Variants in TANC1 observed in about 807,000 individuals in gnomAD.
The protein encoded by TANC1 is tetratricopeptide repeat, ankyrin repeat and coiled-coil containing 1.
In TANC1, 77 loss-of-function variants were observed where a neutral mutation model predicts 149.7. The ratio of observed to expected loss-of-function variants is 0.51; its 90% CI spans 0.43 to 0.62. TANC1 has a LOEUF of 0.62. Ranked by LOEUF, TANC1 falls within the 20% of genes least tolerant of loss-of-function variation. The probability of loss-of-function intolerance (pLI) is 0.00; values close to 1 mark genes in which losing one functional copy is unlikely to be tolerated. For missense variants in TANC1, 1,985 were observed against 2,321.8 expected (o/e 0.85, Z 2.98); for synonymous variants, 854 against 925.0 (o/e 0.92, Z 1.39).
intron 3 of TANC1, among the ~76,000 whole-genome samples, chr2:159,084,947 A>T (rs1224246770): frequency 1.3e-5 from 2 of 152,176 alleles, no homozygotes; most frequent in East Asian, 3.8e-4. Context: ...TAGGCAACTT[A>T]GCCCTCCTCC....
intron 2 of TANC1, among the ~76,000 whole-genome samples, chr2:159,062,174 G>A (rs1339157938): frequency 6.6e-6 from 1 of 152,152 alleles, no homozygotes; most frequent in African/African-American, 2.4e-5. Flanking sequence ...GGAGGTGGAG[G>A]TTGCAGTGAG....
chr2:159,139,938 A>G (rs947532704), intron 5 of TANC1, among the ~76,000 whole-genome samples: 2 of 152,144 alleles, frequency 1.3e-5, no homozygotes, highest in African/African-American at 2.4e-5. Context: ...TAAAGCATAA[A>G]GGGGCTGGGT....
At chr2:159,068,646 ATATC>A (rs1559198004) in intron 3 of TANC1, among the ~76,000 whole-genome samples, 2 of 152,246 alleles carry the variant, frequency 1.3e-5, no homozygotes, top group African/African-American at 4.8e-5. Context: ...GTTATCACCT[ATATC>A]TATAGGTAAA....
At chr2:159,081,316 G>C (rs886588197) in intron 3 of TANC1, among the ~76,000 whole-genome samples, 1 of 152,034 alleles carries the variant, frequency 6.6e-6, no homozygotes, top group African/African-American at 2.4e-5. Context: ...CTTTCAATTA[G>C]AGAAGGGTAC....
chr2:159,168,747 C>T (rs1183489215), intron 8 of TANC1, among the ~76,000 whole-genome samples: 3 of 151,702 alleles, frequency 2.0e-5, no homozygotes, highest in Non-Finnish European at 4.4e-5. Context: ...ATATTTGAAG[C>T]TTAGGAATAT....
chr2:159,177,067 G>A (rs2055946653), intron 13 of TANC1, among the ~76,000 whole-genome samples: 1 of 151,916 alleles, frequency 6.6e-6, no homozygotes, highest in African/African-American at 2.4e-5. Flanking sequence ...CTGCCACCAT[G>A]CCCAGCTAAT....
intron 2 of TANC1, among the ~76,000 whole-genome samples, chr2:159,059,575 G>A (rs1244671925): frequency 1.3e-5 from 2 of 151,898 alleles, no homozygotes; most frequent in African/African-American, 2.4e-5. Flanking sequence ...AATTATTTAC[G>A]GGTTGTTCTA....
At chr2:159,062,308 TATGTTTTATCCTATGATACTTATCC>T (rs1186469952) in intron 2 of TANC1, among the ~76,000 whole-genome samples, 2 of 152,314 alleles carry the variant, frequency 1.3e-5, no homozygotes, top group East Asian at 3.9e-4. Flanking sequence ...CATTATTTCT[TATGTTTTATCCTATGATACTTATCC>T]ATAAGTACTT....
At chr2:159,162,999 TTTACTC>T (rs1419426139) in intron 7 of TANC1, among the ~76,000 whole-genome samples, 6 of 152,228 alleles carry the variant, frequency 3.9e-5, no homozygotes, top group African/African-American at 7.2e-5. Flanking sequence ...GTTACATAAT[TTTACTC>T]TTAACTCTGA....
chr2:159,125,575 C>CT (rs2049353743), intron 4 of TANC1, among the ~76,000 whole-genome samples: 1 of 149,610 alleles, frequency 6.7e-6, no homozygotes, highest in Non-Finnish European at 1.5e-5. Flanking sequence ...TCCTTCCTTC[C>CT]TCCCTCCCTC....
chr2:159,038,526 A>G (rs911518548), intron 2 of TANC1, among the ~76,000 whole-genome samples: 1 of 152,218 alleles, frequency 6.6e-6, no homozygotes, highest in Non-Finnish European at 1.5e-5. Flanking sequence ...GATACATCCC[A>G]TCAATACCTA....
intron 3 of TANC1, among the ~76,000 whole-genome samples, chr2:159,082,679 A>G (rs1190802665): frequency 3.3e-5 from 5 of 152,174 alleles, no homozygotes; most frequent in South Asian, 2.1e-4. Flanking sequence ...GGCTTGGGGT[A>G]TATGTGTTCA....
rs529906734 is a variant in TANC1, at chr2:158,976,822, C to T, written c.-126+8040C>T. On this transcript the variant is annotated intron_variant, in intron 1 of 26. Coordinates refer to ENST00000263635, the MANE Select transcript of TANC1 (RefSeq NM_033394.3). ...CTTGAACCTGGGAGGTGGAGGTTGC[C>T]GTGAGCCAAGATTGTGCCACTGAAC... 2.7e-4 allele frequency among the ~76,000 whole-genome samples: 41 copies of T among 152,040 alleles called. No individual in the cohort carries two copies. In the Middle Eastern group the frequency reaches 0.01, roughly 38 times the overall value.
At chr2:158,972,273 A>C (rs1322751776) in intron 1 of TANC1, among the ~76,000 whole-genome samples, 3 of 152,246 alleles carry the variant, frequency 2.0e-5, no homozygotes, top group Admixed American at 1.3e-4. Flanking sequence ...AAAAATGAAC[A>C]TATCATTTGC....
intron 4 of TANC1, among the ~76,000 whole-genome samples, chr2:159,133,450 G>C (rs755179394): frequency 6.6e-6 from 1 of 151,682 alleles, no homozygotes; most frequent in East Asian, 1.9e-4. Context: ...CAACTCCTGG[G>C]CTTACAAGAC....
chr2:159,044,796 C>G (rs1366454689), intron 2 of TANC1, among the ~76,000 whole-genome samples: 1 of 152,194 alleles, frequency 6.6e-6, no homozygotes, highest in Non-Finnish European at 1.5e-5. Flanking sequence ...AAGGAGCTTC[C>G]AAATTGCTGT....
intron 2 of TANC1, among the ~76,000 whole-genome samples, chr2:159,005,668 T>C (rs2037093410): frequency 1.3e-5 from 2 of 151,846 alleles, no homozygotes; most frequent in South Asian, 4.2e-4. Flanking sequence ...TTTTATGATA[T>C]AATTTTATAA....
intron 19 of TANC1, among the ~76,000 whole-genome samples, chr2:159,201,967 C>T (rs1235531932): frequency 1.3e-5 from 2 of 152,238 alleles, no homozygotes; most frequent in African/African-American, 4.8e-5. Flanking sequence ...CTGCCATTGC[C>T]AGAGCCAGTG....
At chr2:158,994,622 A>G (rs1186850520) in intron 1 of TANC1, among the ~76,000 whole-genome samples, 1 of 152,204 alleles carries the variant, frequency 6.6e-6, no homozygotes, top group Non-Finnish European at 1.5e-5. Flanking sequence ...TTGAGAATGA[A>G]AAGAATCAAA....
Sources: gnomAD v4.1 joint callset for allele counts (sites outside exome capture counted in the v4.1 genomes callset) on GRCh38, gnomAD v4.1.1 for gene constraint, MANE v1.5 for transcripts, NCBI Gene and HGNC (gene_info 2026-07-23, HGNC 2026-07-21) for gene names.